The following TPH2 variants were observed in gnomAD, a reference collection of about 807,000 sequenced individuals.
TPH2 encodes tryptophan 5-hydroxylase 2.
Under a neutral mutation model 59.1 loss-of-function variants are expected in TPH2, and 27 were observed. The ratio of observed to expected loss-of-function variants is 0.46; its 90% CI spans 0.34 to 0.63. The LOEUF (loss-of-function observed/expected upper bound fraction) is 0.63. TPH2 is among the 30% of genes least tolerant of loss of function. The pLI is 0.01. For synonymous variants in TPH2, 220 were observed against 210.5 expected, an observed-to-expected ratio of 1.05 and a Z score of -0.39; for missense variants, 523 against 588.3, an observed-to-expected ratio of 0.89 and a Z score of 1.15.
chr12:71,953,315 A>C (rs1277156399), intron 5 of TPH2, among the ~76,000 whole-genome samples: 1 of 152,096 alleles, frequency 6.6e-6, no homozygotes, highest in African/African-American at 2.4e-5. Context: ...ATCATTCCTT[A>C]ATGCCCCGCA....
chr12:71,949,530 T>A, intron 4 of TPH2, 58 bp from the exon 5 acceptor site: 1 of 1,427,436 alleles, frequency 7.0e-7, no homozygotes, highest in Non-Finnish European at 9.9e-7. Flanking sequence ...TTCTTTTAGG[T>A]CTTCTGCAGC....
At chr12:72,003,495 C>T (rs988151228) in intron 8 of TPH2, among the ~76,000 whole-genome samples, 1 of 152,170 alleles carries the variant, frequency 6.6e-6, no homozygotes, top group Non-Finnish European at 1.5e-5. Context: ...AATTCTTTAA[C>T]TAGTCACATA....
chr12:72,017,394 C>T (rs1200290659), intron 8 of TPH2, among the ~76,000 whole-genome samples: 1 of 152,142 alleles, frequency 6.6e-6, no homozygotes, highest in Non-Finnish European at 1.5e-5. Flanking sequence ...CTCTGCTATT[C>T]TTCCATAAAA....
At position 71,993,468 on chromosome 12, in the gene TPH2, T is replaced by C. The variant is rs184653697; in HGVS notation, c.942-971T>C. Among the ~76,000 whole-genome samples the C allele has an allele frequency of 5.3e-5, 8 of 152,328 alleles. No individual in the cohort carries two copies. In the South Asian group the frequency reaches 1.4e-3, roughly 28 times the overall value. ...ATAGGGGAATTCAATCCATTACAGC[T>C]TGGTATCACGGAACAGTTCATTATT... On this transcript the variant is annotated intron_variant, in intron 7 of 10. Transcript: ENST00000333850.
chr12:72,009,146 G>T (rs1388000995), intron 8 of TPH2, among the ~76,000 whole-genome samples: 1 of 152,160 alleles, frequency 6.6e-6, no homozygotes, highest in African/African-American at 2.4e-5. Flanking sequence ...AGTTGCTGTT[G>T]TTCCCTTAGA....
intron 5 of TPH2, among the ~76,000 whole-genome samples, chr12:71,956,061 A>T (rs7968346): frequency 6.6e-6 from 1 of 152,050 alleles, no homozygotes; most frequent in Non-Finnish European, 1.5e-5. Flanking sequence ...GGGCCAGAGG[A>T]CCTGCTTCCA....
intron 5 of TPH2, among the ~76,000 whole-genome samples, chr12:71,951,485 G>A (rs1228951196): frequency 6.6e-6 from 1 of 152,164 alleles, no homozygotes; most frequent in Non-Finnish European, 1.5e-5. Context: ...GACTACAGGT[G>A]TGTGCCACCA....
chr12:72,023,155 A>G lies in TPH2; in HGVS notation c.1164+661A>G, dbSNP rs531056519. On this transcript the variant is annotated intron_variant, in intron 9 of 10. Coordinates refer to ENST00000333850, the MANE Select transcript of TPH2 (RefSeq NM_173353.4). ...ATTTAAATATTCTGGTCTTTTAAGA[A>G]TTGCCATTTATACCATGGGGGGATA... Among the ~76,000 whole-genome samples, 3 of 152,282 alleles carry G rather than the reference A, an allele frequency of 2.0e-5. No homozygotes were observed. In the East Asian group the frequency reaches 5.8e-4, roughly 29 times the overall value.
At position 72,026,198 on chromosome 12, in the gene TPH2, A is replaced by G. The variant is rs1410450978; in HGVS notation, c.1164+3704A>G. Among the ~76,000 whole-genome samples the G allele has an allele frequency of 2.6e-5, 4 of 151,238 alleles. No homozygotes were observed. In the East Asian group the frequency reaches 6.0e-4, roughly 23 times the overall value. On this transcript the variant is annotated intron_variant, in intron 9 of 10. Coordinates refer to ENST00000333850, the MANE Select transcript of TPH2 (RefSeq NM_173353.4). ...GATATTTATATCTTTCAGGCCAGAG[A>G]TTAGATTTTTTTTTTTTTTAGCATC...
chr12:72,031,414 C>A (rs766019887), intron 10 of TPH2, 23 bp downstream of exon 10: 1 of 1,613,382 alleles, frequency 6.2e-7, no homozygotes, highest in Admixed American at 1.7e-5. Flanking sequence ...TTCCTCCTAG[C>A]TAGAGAAAAT....
chr12:71,983,494 C>T lies in TPH2; in HGVS notation c.941+4407C>T, dbSNP rs193176293. On this transcript the variant is annotated intron_variant, in intron 7 of 10. Transcript: ENST00000333850. The stretch of plus-strand genomic sequence containing the variant: ...GTTCCAAGTTATGTAGGCATGTGAG[C>T]GTCGCCTGGCATGTGTACAGTGGCA... Among the ~76,000 whole-genome samples the T allele has an allele frequency of 4.2e-3, 632 of 152,158 alleles. 6 individuals carry two copies. Among genetic ancestry groups the T allele is most frequent in the South Asian group, 8.5e-3 (41 of 4,798 alleles).
chr12:71,947,479 C>T (rs987807363), intron 4 of TPH2, among the ~76,000 whole-genome samples: 5 of 149,806 alleles, frequency 3.3e-5, no homozygotes, highest in African/African-American at 4.9e-5. Context: ...ATCTAGGATG[C>T]CCAGTTAAAT....
chr12:71,952,801 C>T (rs1288067287), intron 5 of TPH2, among the ~76,000 whole-genome samples: 1 of 152,134 alleles, frequency 6.6e-6, no homozygotes, highest in Non-Finnish European at 1.5e-5. Context: ...ACCCATTTCA[C>T]AGGGTTGTAT....
At chr12:71,941,522 T>A in intron 1 of TPH2, 62 bp from the exon 2 acceptor site, 2 of 1,563,676 alleles carry the variant, frequency 1.3e-6, no homozygotes, top group Non-Finnish European at 1.7e-6. Flanking sequence ...AAAAATCTAA[T>A]TACGGAGGAT....
chr12:71,941,785 A>G (rs1291883600), intron 2 of TPH2, 52 bp downstream of exon 2: 5 of 1,548,412 alleles, frequency 3.2e-6, no homozygotes, highest in Middle Eastern at 1.7e-4. Flanking sequence ...GTGCCTGGGT[A>G]CAAACCTGTT....
intron 5 of TPH2, chr12:71,962,083 G>C: frequency 3.0e-6 from 3 of 1,000,316 alleles, no homozygotes; most frequent in Non-Finnish European, 3.6e-6. Context: ...AGCTGAAAAT[G>C]CGTTTATGCC....
In TPH2 at chr12:72,022,631, T is replaced by C. The variant is rs1873451120; in HGVS notation, c.1164+137T>C. The C allele has an allele frequency of 3.9e-6, 3 of 778,900 alleles. No homozygotes were observed. The African/African-American group carries it at 5.1e-5, about 13-fold the overall frequency. 48.2% of individuals were successfully genotyped at this position (778,900 alleles called of 1,614,324 possible). A position where few individuals can be genotyped will look rare whatever the true frequency, so the allele number is the denominator to read the frequency against. The stretch of plus-strand genomic sequence containing the variant: ...AACATAGAGGATTTGGCACCTCGGA[T>C]GTGGGTGCCGACCTCACTTTTCGCA... On this transcript the variant is annotated intron_variant, in intron 9 of 10. Transcript: ENST00000333850.
intron 9 of TPH2, among the ~76,000 whole-genome samples, chr12:72,024,595 T>C (rs958531987): frequency 1.3e-5 from 2 of 152,132 alleles, no homozygotes; most frequent in African/African-American, 4.8e-5. Flanking sequence ...AGTCAGAAAA[T>C]GATGTAGCTC....
intron 8 of TPH2, among the ~76,000 whole-genome samples, chr12:71,997,713 G>A (rs927378834): frequency 6.6e-6 from 1 of 152,040 alleles, no homozygotes; most frequent in Non-Finnish European, 1.5e-5. Flanking sequence ...AAGCTACCAG[G>A]CATTCTTTAA....
Sources: gnomAD v4.1 joint callset for allele counts (sites outside exome capture counted in the v4.1 genomes callset) on GRCh38, gnomAD v4.1.1 for gene constraint, MANE v1.5 for transcripts, NCBI Gene and HGNC (gene_info 2026-07-23, HGNC 2026-07-21) for gene names.